GRIP1: variants seen among roughly 807,000 people sequenced by gnomAD.
GRIP1 encodes glutamate receptor-interacting protein 1.
Under a neutral mutation model 129.9 loss-of-function variants are expected in GRIP1, and 45 were observed. The ratio of observed to expected loss-of-function variants is 0.35; its 90% confidence interval spans 0.27 to 0.44. The LOEUF is 0.44. GRIP1 is among the 20% of genes least tolerant of loss of function. The pLI is 1.00. For synonymous variants in GRIP1, 530 were observed against 520.8 expected (o/e 1.02, Z -0.24); for missense variants, 1,196 against 1,396.8 (o/e 0.86, Z 2.29).
intron 1 of GRIP1, among the ~76,000 whole-genome samples, chr12:66,646,097 A>G (rs1367741864): frequency 6.6e-6 from 1 of 152,198 alleles, no homozygotes; most frequent in East Asian, 1.9e-4. Context: ...TTCATCTTTC[A>G]AGAAATTCTA....
chr12:66,596,001 T>C (rs1254049156), intron 2 of GRIP1, among the ~76,000 whole-genome samples: 1 of 152,218 alleles, frequency 6.6e-6, no homozygotes, highest in African/African-American at 2.4e-5. Flanking sequence ...CCTGAATTGC[T>C]AAAACTATTG....
chr12:66,771,681 G>A (rs914550854), intron 1 of GRIP1, among the ~76,000 whole-genome samples: 4 of 152,164 alleles, frequency 2.6e-5, no homozygotes, highest in African/African-American at 9.7e-5. Flanking sequence ...GCTTTTCAGA[G>A]CCTACTGGGT....
Position 66,566,961 on chromosome 12 carries a change from G to A in GRIP1, c.137-25011C>T, listed in dbSNP as rs535745677. On this transcript the variant is annotated intron_variant, in intron 2 of 24. Coordinates refer to ENST00000359742, the MANE Select transcript of GRIP1 (RefSeq NM_001366722.1). ...TTCTCTGATGGTAGTTTGTATTTCC[G>A]TAGGATCAGTGGTGATATCCCCTTT... is the stretch of plus-strand genomic sequence containing the variant. Among the ~76,000 whole-genome samples, 7 of 152,198 alleles carry A rather than the reference G, an allele frequency of 4.6e-5. No homozygotes were observed. In the South Asian group the frequency reaches 6.2e-4, roughly 14 times the overall value.
intron 1 of GRIP1, among the ~76,000 whole-genome samples, chr12:66,920,669 T>C (rs1288699668): frequency 1.3e-5 from 2 of 152,224 alleles, no homozygotes; most frequent in Non-Finnish European, 2.9e-5. Flanking sequence ...GGAAAGAAAG[T>C]TATGTAACTC....
intron 1 of GRIP1, among the ~76,000 whole-genome samples, chr12:67,042,042 G>T (rs1466551532): frequency 2.0e-5 from 3 of 152,134 alleles, no homozygotes; most frequent in Non-Finnish European, 2.9e-5. Context: ...GTGAATTAAT[G>T]CTGTTACAGC....
chr12:66,794,160 T>A (rs2038628974), intron 1 of GRIP1, among the ~76,000 whole-genome samples: 1 of 152,184 alleles, frequency 6.6e-6, no homozygotes, highest in South Asian at 2.1e-4. Flanking sequence ...AGGAATAGCA[T>A]CGGAATCATT....
chr12:66,766,351 C>T (rs759390947), intron 1 of GRIP1, among the ~76,000 whole-genome samples: 9 of 152,304 alleles, frequency 5.9e-5, no homozygotes, highest in Admixed American at 1.3e-4. Flanking sequence ...CAGATCTGTG[C>T]ATGTGGCCAC....
At chr12:66,952,033 A>G (rs2041765707) in intron 1 of GRIP1, among the ~76,000 whole-genome samples, 1 of 152,190 alleles carries the variant, frequency 6.6e-6, no homozygotes, top group African/African-American at 2.4e-5. Flanking sequence ...AATTGATGAT[A>G]GATTGAGGCA....
intron 1 of GRIP1, among the ~76,000 whole-genome samples, chr12:66,927,545 A>G (rs2041316120): frequency 6.6e-6 from 1 of 152,208 alleles, no homozygotes; most frequent in Non-Finnish European, 1.5e-5. Context: ...CTAAGTGAAA[A>G]GTTTCAGTCC....
At position 66,469,064 on chromosome 12, in the gene GRIP1, T is replaced by C. The variant is rs149880376; in HGVS notation, c.725-3642A>G. 2.4e-3 allele frequency among the ~76,000 whole-genome samples: 367 copies of C among 152,316 alleles called. 2 individuals are homozygous for C. The highest frequency in any genetic ancestry group is 3.8e-3 in the Non-Finnish European group (257 of 68,026). On this transcript the variant is annotated intron_variant, in intron 7 of 24. Transcript: ENST00000359742. ...AAAGCTTTACAGTTCTGAGGTAAGATTAATTTAAAGTCATGGTTAAGGGAA... is the reference window on the plus strand; with the variant it reads ...AAAGCTTTACAGTTCTGAGGTAAGACTAATTTAAAGTCATGGTTAAGGGAA...
At chr12:66,909,231 T>C (rs1390443431) in intron 1 of GRIP1, among the ~76,000 whole-genome samples, 4 of 152,192 alleles carry the variant, frequency 2.6e-5, no homozygotes, top group South Asian at 2.1e-4. Context: ...CATGAGCTCC[T>C]AGTACTTTCC....
At chr12:66,862,182 T>TC (rs2040124244) in intron 1 of GRIP1, among the ~76,000 whole-genome samples, 1 of 152,108 alleles carries the variant, frequency 6.6e-6, no homozygotes, top group Non-Finnish European at 1.5e-5. Context: ...TTACTAGTGT[T>TC]CACTCAATGA....
At chr12:66,518,958 T>C (rs2060923733) in intron 5 of GRIP1, among the ~76,000 whole-genome samples, 1 of 152,106 alleles carries the variant, frequency 6.6e-6, no homozygotes, top group African/African-American at 2.4e-5. Context: ...ATTCTTTATG[T>C]GACCTGATTT....
intron 1 of GRIP1, among the ~76,000 whole-genome samples, chr12:66,904,262 T>C (rs1244132190): frequency 6.6e-6 from 1 of 152,186 alleles, no homozygotes; most frequent in Non-Finnish European, 1.5e-5. Flanking sequence ...ACCCAGACTT[T>C]TGCACATCAG....
intron 7 of GRIP1, among the ~76,000 whole-genome samples, chr12:66,482,384 T>C (rs898047514): frequency 6.6e-6 from 1 of 152,218 alleles, no homozygotes; most frequent in Non-Finnish European, 1.5e-5. Context: ...CATTTGACTT[T>C]ATTTTAATGA....
At chr12:66,463,936 C>T (rs2059208973) in intron 8 of GRIP1, among the ~76,000 whole-genome samples, 1 of 152,156 alleles carries the variant, frequency 6.6e-6, no homozygotes, top group African/African-American at 2.4e-5. Context: ...AACTGCACAA[C>T]ACCCCTGGAT....
At chr12:66,808,054 A>C (rs1190175670), upstream of GRIP1, among the ~76,000 whole-genome samples, 2 of 151,802 alleles carry the variant, frequency 1.3e-5, no homozygotes, top group Non-Finnish European at 2.9e-5. Flanking sequence ...GAACTGACAG[A>C]TTAGTAGTGT....
chr12:66,539,295 C>G, intron 3 of GRIP1, 72 bp from the exon 4 acceptor site: 1 of 1,592,544 alleles, frequency 6.3e-7, no homozygotes, highest in East Asian at 2.2e-5. Context: ...TTTCCACTTT[C>G]CCTTCATGGT....
intron 1 of GRIP1, among the ~76,000 whole-genome samples, chr12:66,598,660 C>T (rs1175478411): frequency 6.6e-6 from 1 of 152,160 alleles, no homozygotes; most frequent in Non-Finnish European, 1.5e-5. Flanking sequence ...AACAGACGTA[C>T]TATGTATTAA....
Sources: allele counts gnomAD v4.1 joint callset (sites outside exome capture counted in the v4.1 genomes callset), GRCh38; gene constraint gnomAD v4.1.1; transcripts MANE v1.5; gene names NCBI Gene and HGNC (gene_info 2026-07-23, HGNC 2026-07-21).